RGS9: variants seen among roughly 807,000 people sequenced by gnomAD.
RGS9 encodes regulator of G-protein signalling 9.
A neutral mutation model predicts 102.0 loss-of-function variants in RGS9; 78 were observed. The ratio of observed to expected loss-of-function variants is 0.76; its 90% CI spans 0.64 to 0.92. The LOEUF is 0.92. Ranked by LOEUF, RGS9 falls within the 40% of genes least tolerant of loss-of-function variation. The probability of loss-of-function intolerance (pLI) is 0.00; values close to 1 mark genes in which losing one functional copy is unlikely to be tolerated. For missense variants in RGS9, 833 were observed against 866.1 expected (o/e 0.96, Z 0.48); for synonymous variants, 353 against 318.6 (o/e 1.11, Z -1.15).
At chr17:65,207,277 T>A (rs1913097917) in intron 15 of RGS9, among the ~76,000 whole-genome samples, 1 of 152,234 alleles carries the variant, frequency 6.6e-6, no homozygotes, top group Admixed American at 6.5e-5. Context: ...AGATGTGCTC[T>A]TGTCTCATGC....
intron 13 of RGS9, among the ~76,000 whole-genome samples, chr17:65,198,015 T>C (rs1912663994): frequency 6.6e-6 from 1 of 152,132 alleles, no homozygotes; most frequent in South Asian, 2.1e-4. Context: ...TCAGTCTGCC[T>C]GGGGATATTT....
At chr17:65,170,910 G>A (rs1343704381) in intron 8 of RGS9, among the ~76,000 whole-genome samples, 1 of 152,152 alleles carries the variant, frequency 6.6e-6, no homozygotes, top group East Asian at 1.9e-4. Flanking sequence ...GCCTGTGGGG[G>A]TGGAAGGTAG....
chr17:65,225,773 C>T (rs1308658388), intron 18 of RGS9, among the ~76,000 whole-genome samples: 3 of 152,206 alleles, frequency 2.0e-5, no homozygotes, highest in African/African-American at 7.2e-5. Context: ...CACATTGTCC[C>T]ATCCCAAGAC....
At chr17:65,204,882 G>C (rs1245279339) in intron 15 of RGS9, among the ~76,000 whole-genome samples, 1 of 152,200 alleles carries the variant, frequency 6.6e-6, no homozygotes, top group Non-Finnish European at 1.5e-5. Flanking sequence ...TCTCACCAGA[G>C]ATGGGGCTGG....
chr17:65,213,195 G>A (rs1421730578), intron 17 of RGS9, among the ~76,000 whole-genome samples: 1 of 152,052 alleles, frequency 6.6e-6, no homozygotes. Context: ...TTGAAGATTT[G>A]GAATGGGAGG....
At chr17:65,193,017 C>A (rs1219110755) in intron 11 of RGS9, among the ~76,000 whole-genome samples, 1 of 151,748 alleles carries the variant, frequency 6.6e-6, no homozygotes, top group Non-Finnish European at 1.5e-5. Context: ...GTAATCCCAG[C>A]ACTTCGGGAG....
chr17:65,221,120 T>A (rs1913693210), intron 17 of RGS9, among the ~76,000 whole-genome samples: 1 of 152,202 alleles, frequency 6.6e-6, no homozygotes, highest in African/African-American at 2.4e-5. Context: ...CTAATGGTCA[T>A]TTGCCCAGAA....
intron 9 of RGS9, among the ~76,000 whole-genome samples, chr17:65,178,597 G>T (rs1019267451): frequency 6.6e-6 from 1 of 151,928 alleles, no homozygotes; most frequent in African/African-American, 2.4e-5. Context: ...TTGACCTCTT[G>T]GGCTCAGGTG....
intron 1 of RGS9, among the ~76,000 whole-genome samples, chr17:65,141,891 C>T (rs1049997315): frequency 7.9e-5 from 12 of 152,164 alleles, no homozygotes; most frequent in East Asian, 1.9e-4. Context: ...AGATTGCCTG[C>T]GGGTTGGGAG....
chr17:65,154,459 C>A (rs922677264), intron 2 of RGS9, among the ~76,000 whole-genome samples: 1 of 152,186 alleles, frequency 6.6e-6, no homozygotes, highest in African/African-American at 2.4e-5. Context: ...ATTTTAGAAA[C>A]CTTCACTGTC....
intron 1 of RGS9, among the ~76,000 whole-genome samples, chr17:65,145,237 C>T (rs1414172675): frequency 2.0e-5 from 3 of 151,938 alleles, no homozygotes; most frequent in East Asian, 1.9e-4. Context: ...ACTACAGGTG[C>T]CCCCCACCAC....
At chr17:65,152,592 C>T (rs114180358) in intron 1 of RGS9, among the ~76,000 whole-genome samples, 1,892 of 152,162 alleles carry the variant, frequency 0.012, 39 homozygotes, top group African/African-American at 0.043. Context: ...TGCAGTGGTG[C>T]GATCATAGCT....
intron 13 of RGS9, 43 bp downstream of exon 13, chr17:65,197,284 T>C (rs1446868671): frequency 7.8e-7 from 1 of 1,286,952 alleles, no homozygotes; most frequent in East Asian, 2.5e-5. Context: ...AACTTACTTT[T>C]AGAAAGAGTC....
Position 65,181,935 on chromosome 17 carries a change from G to T in RGS9, c.654+4132G>T, listed in dbSNP as rs548199133. ...CTAAATGTTGTCATGCTATGAGAGA[G>T]AATTTATGGGACTTGTAGACCTCAG... On this transcript the variant is annotated intron_variant, in intron 9 of 18. Coordinates refer to ENST00000262406, the MANE Select transcript of RGS9 (RefSeq NM_003835.4). 9.3e-4 allele frequency among the ~76,000 whole-genome samples: 142 copies of T among 152,324 alleles called. 1 individual carries two copies. The South Asian group carries it at 0.028, about 30-fold the overall frequency.
chr17:65,221,716 C>T (rs1423567368), intron 17 of RGS9, among the ~76,000 whole-genome samples: 2 of 152,180 alleles, frequency 1.3e-5, no homozygotes, highest in Non-Finnish European at 2.9e-5. Flanking sequence ...GCTGGGATGT[C>T]CACGATGGAG....
rs115020080 is a variant in RGS9, at chr17:65,212,989, T to G, written c.1407+2384T>G. ...ATGAATGAAAGAATGAATGAATGAA[T>G]GAAAAGAGCCCTGGATTTGGAGAAA... On this transcript the variant is annotated intron_variant, in intron 17 of 18. Coordinates refer to ENST00000262406, the MANE Select transcript of RGS9 (RefSeq NM_003835.4). Among the ~76,000 whole-genome samples, 363 of 152,298 alleles carry G rather than the reference T, an allele frequency of 2.4e-3. 2 individuals carry two copies. The highest frequency in any genetic ancestry group is 7.4e-3 in the African/African-American group (307 of 41,562).
intron 14 of RGS9, among the ~76,000 whole-genome samples, chr17:65,203,377 A>C (rs943199300): frequency 2.0e-5 from 3 of 152,170 alleles, no homozygotes; most frequent in Non-Finnish European, 4.4e-5. Context: ...ACAGTGACGC[A>C]CACACAACTC....
In RGS9 at chr17:65,160,882, G is replaced by C; in HGVS notation, c.396G>C (p.Lys132Asn). The C allele has an allele frequency of 6.2e-7, 1 of 1,614,042 alleles. No individual in the cohort carries two copies. The highest frequency in any genetic ancestry group is 8.5e-7 in the Non-Finnish European group (1 of 1,179,858). ...ATCTGGCCAAGCGAAATATCAAAAA[G>C]AAAGGGATTTTGGAAGAATATGAAA... ...AIYLAKRNIKKKGILEEYEKE... is the reference protein window; with the variant it reads ...AIYLAKRNIKNKGILEEYEKE... Residue 132 changes from lysine (K) to asparagine (N), a missense_variant, in exon 6 of 19, where the codon AAG becomes AAC. Lys to Asn is a moderately conservative substitution (Grantham distance 94, BLOSUM62 0). Coordinates refer to ENST00000262406, the MANE Select transcript of RGS9 (RefSeq NM_003835.4).
intron 17 of RGS9, among the ~76,000 whole-genome samples, chr17:65,214,480 G>C (rs190788010): frequency 1.3e-5 from 2 of 152,216 alleles, no homozygotes; most frequent in African/African-American, 4.8e-5. Context: ...AGAGGTGGGA[G>C]AGAATTGTTT....
Sources: allele counts gnomAD v4.1 joint callset (sites outside exome capture counted in the v4.1 genomes callset), GRCh38; gene constraint gnomAD v4.1.1; transcripts MANE v1.5; gene names NCBI Gene and HGNC (gene_info 2026-07-23, HGNC 2026-07-21).